ADAMTSL1: variants seen among roughly 807,000 people sequenced by gnomAD.
ADAMTSL1 encodes the protein ADAMTS-like protein 1.
In ADAMTSL1, 126 loss-of-function variants were observed where a neutral mutation model predicts 201.8. The ratio of observed to expected loss-of-function variants is 0.62; its 90% CI spans 0.54 to 0.72. The LOEUF (loss-of-function observed/expected upper bound fraction) is 0.72, where lower values mean the gene tolerates loss of function less well. Among genes scored for constraint, ADAMTSL1 ranks in the 30% least tolerant of loss-of-function variants. The pLI is 0.00. For synonymous variants in ADAMTSL1, 1,121 were observed against 903.4 expected (o/e 1.24, Z -4.32); for missense variants, 2,679 against 2,277.8 (o/e 1.18, Z -3.59).
chr9:18,563,399 G>T (rs1015530174), intron 3 of ADAMTSL1, among the ~76,000 whole-genome samples: 2 of 152,136 alleles, frequency 1.3e-5, no homozygotes, highest in Admixed American at 1.3e-4. Context: ...ATCCCAGAGG[G>T]GCACCCACCA....
chr9:18,615,059 T>C (rs1440493273), intron 4 of ADAMTSL1, among the ~76,000 whole-genome samples: 2 of 152,242 alleles, frequency 1.3e-5, no homozygotes, highest in Non-Finnish European at 2.9e-5. Flanking sequence ...ATGAGATGAT[T>C]GGTGTTTTGG....
chr9:18,243,765 C>T (rs981479483), intron 2 of ADAMTSL1, among the ~76,000 whole-genome samples: 2 of 152,008 alleles, frequency 1.3e-5, no homozygotes, highest in Non-Finnish European at 2.9e-5. Context: ...GGCATGCATA[C>T]CCCAAGGCTT....
intron 2 of ADAMTSL1, among the ~76,000 whole-genome samples, chr9:18,272,687 C>T (rs953633133): frequency 6.6e-6 from 1 of 152,154 alleles, no homozygotes; most frequent in African/African-American, 2.4e-5. Flanking sequence ...CTGACCTATT[C>T]CTACCTACCA....
intron 4 of ADAMTSL1, among the ~76,000 whole-genome samples, chr9:18,595,503 C>T (rs966662545): frequency 1.3e-5 from 2 of 152,280 alleles, no homozygotes; most frequent in East Asian, 3.9e-4. Context: ...GGTTCTCCTA[C>T]TGCAGTGAAA....
chr9:18,612,094 T>C (rs1423062230), intron 4 of ADAMTSL1, among the ~76,000 whole-genome samples: 1 of 152,192 alleles, frequency 6.6e-6, no homozygotes, highest in African/African-American at 2.4e-5. Flanking sequence ...GCATGAAGCC[T>C]GGGGCACTGT....
At chr9:18,654,040 C>G (rs1828464951) in intron 7 of ADAMTSL1, among the ~76,000 whole-genome samples, 1 of 152,206 alleles carries the variant, frequency 6.6e-6, no homozygotes, top group Non-Finnish European at 1.5e-5. Flanking sequence ...CCTGCCTTGC[C>G]AACATGGCAA....
Position 18,483,771 on chromosome 9 carries a change from G to C in ADAMTSL1, c.63+9476G>C, listed in dbSNP as rs565597858. 2.2e-3 allele frequency among the ~76,000 whole-genome samples: 334 copies of C among 152,280 alleles called. 1 individual carries two copies. Among genetic ancestry groups the C allele is most frequent in the African/African-American group, 7.8e-3 (323 of 41,552 alleles). On this transcript the variant is annotated intron_variant, in intron 1 of 28. Transcript: ENST00000380548. ...GAACCTGGGAGGCGGAGCTTGCAGT[G>C]AGCCGAGATTGTGCCACTGCACTCC...
intron 2 of ADAMTSL1, among the ~76,000 whole-genome samples, chr9:18,247,584 G>A (rs900784892): frequency 6.6e-6 from 1 of 152,154 alleles, no homozygotes; most frequent in Non-Finnish European, 1.5e-5. Context: ...GGAAATGATG[G>A]TTGTATTTTA....
At chr9:18,569,502 G>A (rs1822162586) in intron 3 of ADAMTSL1, among the ~76,000 whole-genome samples, 1 of 152,152 alleles carries the variant, frequency 6.6e-6, no homozygotes, top group Non-Finnish European at 1.5e-5. Context: ...TATATTTAGA[G>A]TTTATTGGAA....
At chr9:18,899,366 T>C (rs543018296) in intron 26 of ADAMTSL1, among the ~76,000 whole-genome samples, 3 of 152,316 alleles carry the variant, frequency 2.0e-5, no homozygotes, top group South Asian at 2.1e-4. Context: ...AAAATGGCCA[T>C]ACTGCCCAAA....
chr9:18,000,398 C>G (rs1314637496), intron 1 of ADAMTSL1, among the ~76,000 whole-genome samples: 2 of 151,996 alleles, frequency 1.3e-5, no homozygotes, highest in African/African-American at 4.8e-5. Context: ...AGTCATCCTG[C>G]CTCACCACCC....
intron 4 of ADAMTSL1, among the ~76,000 whole-genome samples, chr9:18,601,740 A>T (rs1564081363): frequency 6.6e-6 from 1 of 151,776 alleles, no homozygotes; most frequent in Non-Finnish European, 1.5e-5. Flanking sequence ...ATAATGTAGC[A>T]CATATATACA....
chr9:18,396,296 G>T (rs1379474386), intron 2 of ADAMTSL1, among the ~76,000 whole-genome samples: 1 of 152,188 alleles, frequency 6.6e-6, no homozygotes, highest in Non-Finnish European at 1.5e-5. Context: ...ATGTCAGGGT[G>T]CCCCCTCCTG....
intron 4 of ADAMTSL1, among the ~76,000 whole-genome samples, chr9:18,611,221 T>C (rs925944674): frequency 5.3e-5 from 8 of 152,170 alleles, no homozygotes; most frequent in African/African-American, 1.9e-4. Flanking sequence ...CCATGTGAAG[T>C]GAGGCCAAAT....
rs1419651540 is a variant in ADAMTSL1, at chr9:18,027,827, A to G, written c.87+120905A>G. 2.6e-5 allele frequency among the ~76,000 whole-genome samples: 4 copies of G among 152,126 alleles called. No homozygotes were observed. The East Asian group carries it at 7.7e-4, about 29-fold the overall frequency. On this transcript the variant is annotated intron_variant, in intron 1 of 29. Transcript: ENST00000680146. ...CTGTCAGGTGGCTACTGAAGACCTC[A>G]ACTATTATTGTGTGGCTACTTATTT...
intron 2 of ADAMTSL1, among the ~76,000 whole-genome samples, chr9:18,509,877 G>T (rs1223620501): frequency 6.6e-6 from 1 of 152,288 alleles, no homozygotes; most frequent in East Asian, 1.9e-4. Context: ...TTACTCATTT[G>T]TAATGGGATA....
At chr9:18,532,116 A>G (rs182617163) in intron 2 of ADAMTSL1, among the ~76,000 whole-genome samples, 3 of 152,302 alleles carry the variant, frequency 2.0e-5, no homozygotes, top group Admixed American at 2.0e-4. Flanking sequence ...TTTACTTTTT[A>G]AAAAATGTGT....
chr9:18,476,565 C>G (rs542663672), intron 1 of ADAMTSL1, among the ~76,000 whole-genome samples: 1 of 152,246 alleles, frequency 6.6e-6, no homozygotes, highest in African/African-American at 2.4e-5. Flanking sequence ...AGATTGTGAC[C>G]TTTAGCCTGT....
chr9:18,847,166 G>T (rs1274879252), intron 23 of ADAMTSL1, among the ~76,000 whole-genome samples: 1 of 152,192 alleles, frequency 6.6e-6, no homozygotes, highest in Admixed American at 6.5e-5. Flanking sequence ...AGTCAATCAT[G>T]AGTGTGAGAA....
Sources: gnomAD v4.1 joint callset for allele counts (sites outside exome capture counted in the v4.1 genomes callset) on GRCh38, gnomAD v4.1.1 for gene constraint, MANE v1.5 for transcripts, NCBI Gene and HGNC (gene_info 2026-07-23, HGNC 2026-07-21) for gene names.